Variants in ATG16L2 observed in about 807,000 individuals in gnomAD.
The protein encoded by ATG16L2 is protein Atg16l2.
A neutral mutation model predicts 84.7 loss-of-function variants in ATG16L2; 77 were observed. The observed-to-expected ratio is 0.91, with a 90% CI of 0.76 to 1.10. ATG16L2 has a LOEUF of 1.10. Among genes scored for constraint, ATG16L2 ranks in the 50% least tolerant of loss-of-function variants. ATG16L2 has a pLI of 0.00. For synonymous variants in ATG16L2, 361 were observed against 342.8 expected (o/e 1.05, Z -0.59); for missense variants, 782 against 817.6 (o/e 0.96, Z 0.53).
Position 72,828,766 on chromosome 11 carries a change from G to A in ATG16L2, c.1660G>A (p.Ala554Thr). 6.2e-7 allele frequency: 1 copy of A among 1,614,176 alleles called. No homozygotes were observed. Among genetic ancestry groups the A allele is most frequent in the Non-Finnish European group, 8.5e-7 (1 of 1,180,040 alleles). Residue 554 changes from alanine to threonine, a missense_variant, in exon 16 of 18, where the codon GCT (alanine) becomes ACT (threonine). Ala to Thr is a moderately conservative substitution (Grantham distance 58, BLOSUM62 0). Transcript: ENST00000321297. The part of the protein sequence containing the change: ...GFKCGSDWTK[A>T]VFSPDRSYAL... ...CAAGTGTGGTTCTGACTGGACCAAA[G>A]CTGTGTTCAGGTATGTCCGTGAGAG...
chr11:72,825,543 A>C, intron 10 of ATG16L2, 136 bp downstream of exon 10: 1 of 687,652 alleles, frequency 1.5e-6, no homozygotes, highest in Non-Finnish European at 2.5e-6. Context: ...TGACTAGACA[A>C]TGCCTTGGAA....
Position 72,824,762 on chromosome 11 carries a change from G to C in ATG16L2, c.916G>C (p.Gly306Arg), listed in dbSNP as rs144118330. ...TAAGAAGAGGAGAGGTCACTCAATT[G>C]GGGGAGCCCCTGAGCAGCGATACCA... ...DFKKRRGHSI[G>R]GAPEQRYQII... The change falls in exon 9 of 18, where the codon GGG (glycine) becomes CGG (arginine). Residue 306 changes from glycine to arginine, a missense_variant. By Grantham distance (125) the Gly-to-Arg change is moderately radical. Coordinates refer to ENST00000321297, the MANE Select transcript of ATG16L2 (RefSeq NM_033388.2). The C allele has an allele frequency of 3.7e-6, 6 of 1,613,678 alleles. No individual in the cohort carries two copies. The East Asian group carries it at 1.1e-4, about 30-fold the overall frequency.
At chr11:72,818,798 C>T (rs527543577) in intron 3 of ATG16L2, 1 of 152,298 alleles carries the variant, frequency 6.6e-6, no homozygotes, top group Non-Finnish European at 1.5e-5. Context: ...TAAACAAGAC[C>T]TGGCCCCATG....
chr11:72,825,430 C>G, intron 10 of ATG16L2, 23 bp downstream of exon 10: 1 of 1,588,736 alleles, frequency 6.3e-7, no homozygotes, highest in Non-Finnish European at 8.6e-7. Flanking sequence ...CCCCTGCCGG[C>G]CAACTTGGTG....
chr11:72,841,092 C>G (rs1186885653), intron 5 of ATG16L2: 1 of 696,880 alleles, frequency 1.4e-6, no homozygotes, highest in Non-Finnish European at 2.5e-6. Context: ...TACTTGAGGC[C>G]AGAAGTTCAA....
rs754257904 is a variant in ATG16L2, at chr11:72,826,183, G to A, written c.1113G>A (p.Glu371=). Reference sequence around the variant, plus strand: ...CCCTGGTCCTCCCAGGTCGCCTGGAGGCCAACCAGACCCTGGAGGGAGCTG... The same window carrying A: ...CCCTGGTCCTCCCAGGTCGCCTGGAAGCCAACCAGACCCTGGAGGGAGCTG... The part of the protein sequence containing the change: ...HLWNVVGSRL[E]ANQTLEGAGG... The change falls in exon 11 of 18, where the codon GAG becomes GAA. Residue 371 remains glutamate (E), a synonymous_variant. Transcript: ENST00000321297. The A allele has an allele frequency of 6.8e-6, 11 of 1,613,260 alleles. No individual in the cohort carries two copies. In the African/African-American group the frequency reaches 1.3e-4, roughly 20 times the overall value.
intron 5 of ATG16L2, among the ~76,000 whole-genome samples, chr11:72,835,163 C>CA (rs1222394894): frequency 3.9e-5 from 6 of 152,312 alleles, no homozygotes; most frequent in African/African-American, 1.4e-4. Flanking sequence ...CCCTTGGTCA[C>CA]AGACGGAACC....
In ATG16L2 at chr11:72,817,810, G is replaced by GA. The variant is rs1210436335; in HGVS notation, c.275dup (p.Trp93ValfsTer14). 1 of 1,613,378 alleles carries GA rather than the reference G, an allele frequency of 6.2e-7. No homozygotes were observed. The highest frequency in any genetic ancestry group is 1.7e-5 in the Admixed American group (1 of 60,032). ...TCCCATCACTGGTCGCACTGAGGGT[G>GA]AAGTGGCAGGAGGAGGAGGAGGGGC... On this transcript the variant is annotated frameshift_variant, in exon 3 of 18. Coordinates refer to ENST00000321297, the MANE Select transcript of ATG16L2 (RefSeq NM_033388.2). LOFTEE classifies it high-confidence loss of function.
chr11:72,832,573 T>C (rs1302401286), downstream of ATG16L2, among the ~76,000 whole-genome samples: 2 of 152,206 alleles, frequency 1.3e-5, no homozygotes, highest in African/African-American at 4.8e-5. Flanking sequence ...AAATAGATGT[T>C]GACAGCTCCT....
chr11:72,825,672 G>T (rs921064367), intron 10 of ATG16L2, among the ~76,000 whole-genome samples: 4 of 152,122 alleles, frequency 2.6e-5, no homozygotes, highest in African/African-American at 9.7e-5. Flanking sequence ...ATTGGTGGGG[G>T]TCCCCTATCA....
intron 5 of ATG16L2, chr11:72,841,568 T>C: frequency 6.2e-7 from 1 of 1,607,560 alleles, no homozygotes; most frequent in Non-Finnish European, 8.5e-7. Context: ...GCGTGTGGCT[T>C]GGGGGAAGGA....
At position 72,825,415 on chromosome 11, in the gene ATG16L2, G is replaced by A. The variant is rs776260226; in HGVS notation, c.1102+8G>A. On this transcript the variant is annotated splice_region_variant and intron_variant, in intron 10 of 17. Transcript: ENST00000321297. ...TCTGGAATGTTGTGGGAAGTAAGGAGCCCTCCCCTGCCGGCCAACTTGGTG... is the reference window on the plus strand; with the variant it reads ...TCTGGAATGTTGTGGGAAGTAAGGAACCCTCCCCTGCCGGCCAACTTGGTG... 6.2e-7 allele frequency: 1 copy of A among 1,607,740 alleles called. No homozygotes were observed. Among genetic ancestry groups the A allele is most frequent in the South Asian group, 1.1e-5 (1 of 91,006 alleles).
intron 14 of ATG16L2, among the ~76,000 whole-genome samples, chr11:72,827,968 C>CA (rs760108741): frequency 5.3e-5 from 8 of 152,102 alleles, no homozygotes; most frequent in Admixed American, 5.2e-4. Flanking sequence ...CAAAACAAAA[C>CA]AAAAAAACAA....
At chr11:72,837,237 CA>C (rs1860756242) in intron 5 of ATG16L2, 1 of 151,916 alleles carries the variant, frequency 6.6e-6, no homozygotes, top group South Asian at 2.1e-4. Flanking sequence ...TAAAAAACAA[CA>C]ACGAAAAAAA....
Position 72,822,590 on chromosome 11 carries a change from C to G in ATG16L2, c.710+47C>G. ...TCCGACCCTTGCGTTCTGCCTCCCG[C>G]CCCGCCTGCCTGCGGCGACCCAGGC... is the stretch of plus-strand genomic sequence containing the variant. On this transcript the variant is annotated intron_variant, in intron 6 of 17. Transcript: ENST00000321297. This position sits in a 1 kb window ranked among gnomAD's most constrained non-coding sequence, Gnocchi z 4.2. 1 of 1,597,394 alleles carries G rather than the reference C, an allele frequency of 6.3e-7. No homozygotes were observed. Among genetic ancestry groups the G allele is most frequent in the Non-Finnish European group, 8.5e-7 (1 of 1,172,866 alleles).
rs774009423 is a variant in ATG16L2, at chr11:72,822,411, C to T, written c.645-67C>T. 1 of 1,601,106 alleles carries T rather than the reference C, an allele frequency of 6.2e-7. No homozygotes were observed. The highest frequency in any genetic ancestry group is 8.5e-7 in the Non-Finnish European group (1 of 1,175,734). On this transcript the variant is annotated intron_variant, in intron 5 of 17. Transcript: ENST00000321297. The surrounding 1 kb of genome is among the most constrained non-coding windows in gnomAD (Gnocchi z 4.2). ...AGCAGCCGCCCCCTGGAGGAAGGGA[C>T]CGGGTCTAGCCCCGCCTGCGTGCGA...
chr11:72,827,310 G>A lies in ATG16L2; in HGVS notation c.1472+17G>A. The A allele has an allele frequency of 1.2e-6, 2 of 1,601,026 alleles. No homozygotes were observed. Among genetic ancestry groups the A allele is most frequent in the African/African-American group, 2.7e-5 (2 of 74,780 alleles). On this transcript the variant is annotated intron_variant, in intron 14 of 17. Coordinates refer to ENST00000321297, the MANE Select transcript of ATG16L2 (RefSeq NM_033388.2). ...GGACAGCAGGTGACAGGCGCAGGCT[G>A]GGGGAGGACTTGGGGAGGGCTGGGG...
chr11:72,821,700 C>T lies in ATG16L2; in HGVS notation c.351C>T (p.Ala117=), dbSNP rs1393485092. The change falls in exon 4 of 18, where the codon GCC becomes GCT. Residue 117 remains alanine (A), a synonymous_variant. Coordinates refer to ENST00000321297, the MANE Select transcript of ATG16L2 (RefSeq NM_033388.2). The stretch of plus-strand genomic sequence containing the variant: ...ACCAGGTGGTGGAGAAGGGCGCGGC[C>T]CTGGGCACGCTGGAGTCGGAGCTGC... ...MAYQVVEKGA[A]LGTLESELQQ... 2 of 1,537,404 alleles carry T rather than the reference C, an allele frequency of 1.3e-6. No individual in the cohort carries two copies. Among genetic ancestry groups the T allele is most frequent in the South Asian group, 1.2e-5 (1 of 83,916 alleles).
intron 5 of ATG16L2, chr11:72,838,824 C>G: frequency 6.2e-7 from 1 of 1,607,656 alleles, no homozygotes; most frequent in Non-Finnish European, 8.5e-7. Flanking sequence ...CTTCAATCTT[C>G]TCTGCTGGCC....
Sources: gnomAD v4.1 joint callset for allele counts (sites outside exome capture counted in the v4.1 genomes callset) on GRCh38, gnomAD v4.1.1 for gene constraint, Gnocchi (gnomAD v3.1) non-coding constraint, MANE v1.5 for transcripts, NCBI Gene and HGNC (gene_info 2026-07-23, HGNC 2026-07-21) for gene names.